The following COQ8A variants were observed in gnomAD, a reference collection of about 807,000 sequenced individuals.
COQ8A encodes atypical kinase COQ8A, mitochondrial.
A neutral mutation model predicts 65.0 loss-of-function variants in COQ8A; 51 were observed. The ratio of observed to expected loss-of-function variants is 0.78; its 90% CI spans 0.63 to 0.99. The LOEUF is 0.99. COQ8A is among the 50% of genes least tolerant of loss of function. COQ8A has a pLI of 0.00. For missense variants in COQ8A, 940 were observed against 875.0 expected (o/e 1.07, Z -0.94); for synonymous variants, 371 against 353.2 (o/e 1.05, Z -0.57).
chr1:226,952,891 C>T (rs565272552), intron 1 of COQ8A, among the ~76,000 whole-genome samples: 2 of 152,250 alleles, frequency 1.3e-5, no homozygotes, highest in East Asian at 3.9e-4. Flanking sequence ...TGCTTCCTGT[C>T]ACCTCCCTCC....
At chr1:226,984,357 G>T in intron 11 of COQ8A, 122 bp downstream of exon 11, 1 of 1,467,546 alleles carries the variant, frequency 6.8e-7, no homozygotes, top group East Asian at 2.4e-5. Flanking sequence ...GAGGGGCAGT[G>T]AAGTAGCACC....
chr1:226,947,314 G>A (rs902368108), intron 1 of COQ8A, among the ~76,000 whole-genome samples: 1 of 152,176 alleles, frequency 6.6e-6, no homozygotes, highest in African/African-American at 2.4e-5. Flanking sequence ...TTGGCCCTTA[G>A]GAGATTGCTC....
In COQ8A at chr1:226,984,233, G is replaced by A. The variant is rs201134290; in HGVS notation, c.1396G>A (p.Glu466Lys). ...AEGLSQEIRNEICYNILVLCL... is the reference protein window; with the variant it reads ...AEGLSQEIRNKICYNILVLCL... ...AGGGCTCAGCCAGGAGATTCGGAAC[G>A]AGGTTTGTCTGTGCCAGCAGACAGG... is the stretch of plus-strand genomic sequence containing the variant. Residue 466 changes from glutamate to lysine, a missense_variant and splice_region_variant, in exon 11 of 15, where the codon GAG (glutamate) becomes AAG (lysine). Coordinates refer to ENST00000366777, the MANE Select transcript of COQ8A (RefSeq NM_020247.5). 2.4e-5 allele frequency: 38 copies of A among 1,613,544 alleles called. No individual in the cohort carries two copies. The highest frequency in any genetic ancestry group is 1.9e-4 in the African/African-American group (14 of 75,054).
chr1:226,983,717 C>A (rs753152068), intron 9 of COQ8A, 44 bp from the exon 10 acceptor site: 2 of 1,611,970 alleles, frequency 1.2e-6, no homozygotes, highest in East Asian at 2.2e-5. Context: ...GGGGTCCTCC[C>A]TGCAGAGCCC....
intron 9 of COQ8A, 22 bp from the exon 10 acceptor site, chr1:226,983,739 G>A: frequency 6.2e-7 from 1 of 1,613,106 alleles, no homozygotes; most frequent in Non-Finnish European, 8.5e-7. Context: ...CTTCCTCGCT[G>A]ATGCCCTCCT....
chr1:226,986,923 G>A lies in COQ8A; in HGVS notation c.*186G>A. 1.4e-6 allele frequency: 1 copy of A among 706,068 alleles called. No homozygotes were observed. Among genetic ancestry groups the A allele is most frequent in the South Asian group, 1.9e-5 (1 of 54,040 alleles). 43.7% of individuals were successfully genotyped at this position (706,068 alleles called of 1,614,324 possible). A position where few individuals can be genotyped will look rare whatever the true frequency, so the allele number is the denominator to read the frequency against. On this transcript the variant is annotated 3_prime_UTR_variant, in exon 15 of 15. Coordinates refer to ENST00000366777, the MANE Select transcript of COQ8A (RefSeq NM_020247.5). ...GCTAAATGGTTGTAGGGTGAGAAGT[G>A]CAAGAATGAAGATGAAGCCCCACTG...
rs149335528 is a variant in COQ8A, at chr1:226,986,693, G to A, written c.1900G>A (p.Glu634Lys). 7.2e-5 allele frequency: 116 copies of A among 1,613,996 alleles called. 1 individual carries two copies. The South Asian group carries it at 1.0e-3, about 14-fold the overall frequency. The change falls in exon 15 of 15, where the codon GAG (glutamate) becomes AAG (lysine). Residue 634 changes from glutamate (E) to lysine (K), a missense_variant. Transcript: ENST00000366777. ...CCGCTTCCCCTGCAAGGCCATGTTC[G>A]AGGAGGCCTACAGCAACTACTGCAA... The part of the protein sequence containing the change: ...KARFPCKAMF[E>K]EAYSNYCKRQ...
chr1:226,955,718 A>C (rs1490191744), intron 1 of COQ8A, among the ~76,000 whole-genome samples: 1 of 72,594 alleles, frequency 1.4e-5, no homozygotes, highest in Non-Finnish European at 2.7e-5. Context: ...TCCCTGGTTC[A>C]CACTCTCCCT....
intron 4 of COQ8A, among the ~76,000 whole-genome samples, chr1:226,971,185 C>A (rs530587525): frequency 6.6e-6 from 1 of 152,030 alleles, no homozygotes; most frequent in Non-Finnish European, 1.5e-5. Context: ...AGGTGATCCA[C>A]CCACCTCTGC....
At chr1:226,962,763 A>G (rs1207340193) in intron 2 of COQ8A, among the ~76,000 whole-genome samples, 5 of 152,180 alleles carry the variant, frequency 3.3e-5, no homozygotes, top group African/African-American at 7.2e-5. Flanking sequence ...CCTGCCTTTA[A>G]TGTTCAGAAG....
Position 226,953,604 on chromosome 1 carries a change from C to G in COQ8A, c.-9-7773C>G, listed in dbSNP as rs73087611. ...GCTCCTGGGCTCCCGCTGTGAAGGT[C>G]TCACTCAGCAGGCCTGTGCTGGGGC... On this transcript the variant is annotated intron_variant, in intron 1 of 14. Coordinates refer to ENST00000366777, the MANE Select transcript of COQ8A (RefSeq NM_020247.5). 8.9e-3 allele frequency among the ~76,000 whole-genome samples: 1,359 copies of G among 152,332 alleles called. 19 individuals are homozygous for G. The highest frequency in any genetic ancestry group is 0.031 in the African/African-American group (1,290 of 41,570).
chr1:226,983,404 G>A, intron 8 of COQ8A, 148 bp from the exon 9 acceptor site: 1 of 780,366 alleles, frequency 1.3e-6, no homozygotes, highest in South Asian at 1.5e-5. Flanking sequence ...GGTCACGGCA[G>A]CATGGCTGGG....
At chr1:226,947,203 G>A (rs941732080) in intron 1 of COQ8A, among the ~76,000 whole-genome samples, 1 of 152,146 alleles carries the variant, frequency 6.6e-6, no homozygotes, top group East Asian at 1.9e-4. Context: ...ATTGATTTGG[G>A]GCAGTGTTCT....
chr1:226,956,899 C>T (rs1173285918), intron 1 of COQ8A, among the ~76,000 whole-genome samples: 4 of 126,506 alleles, frequency 3.2e-5, no homozygotes, highest in Non-Finnish European at 5.1e-5. Flanking sequence ...GGTTCACACT[C>T]TCCCTGGCTC....
At chr1:226,969,953 T>G (rs1471600192) in intron 4 of COQ8A, among the ~76,000 whole-genome samples, 1 of 152,168 alleles carries the variant, frequency 6.6e-6, no homozygotes, top group East Asian at 1.9e-4. Context: ...ATCAAGGACT[T>G]AAAATTATAG....
intron 2 of COQ8A, among the ~76,000 whole-genome samples, chr1:226,964,654 GT>G (rs1483907011): frequency 6.6e-6 from 1 of 152,172 alleles, no homozygotes; most frequent in Non-Finnish European, 1.5e-5. Flanking sequence ...TTGCGCCCTG[GT>G]TTACCATCTC....
rs778838121 is a variant in COQ8A at position 226,977,478 on chromosome 1, C to A, written c.685C>A (p.Leu229Met). The change falls in exon 5 of 15, where the codon CTG (leucine) becomes ATG (methionine). Residue 229 changes from leucine to methionine, a missense_variant. By Grantham distance (15) the Leu-to-Met change is conservative. Transcript: ENST00000366777. ...GLAVGLGFGA[L>M]AEVAKKSLRS... Reference sequence around the variant, plus strand: ...GGCCGTGGGCCTGGGCTTCGGGGCACTGGCAGAGGTCGCCAAGAAGAGCCT... The same window carrying A: ...GGCCGTGGGCCTGGGCTTCGGGGCAATGGCAGAGGTCGCCAAGAAGAGCCT... 1.3e-6 allele frequency: 2 copies of A among 1,567,700 alleles called. No homozygotes were observed. Among genetic ancestry groups the A allele is most frequent in the South Asian group, 2.3e-5 (2 of 85,188 alleles).
Position 226,964,980 on chromosome 1 carries a change from C to A in COQ8A, c.178-20C>A. The A allele has an allele frequency of 3.1e-6, 5 of 1,613,372 alleles. No homozygotes were observed. The highest frequency in any genetic ancestry group is 4.2e-6 in the Non-Finnish European group (5 of 1,180,008). The stretch of plus-strand genomic sequence containing the variant: ...CTGGCTCGCTCTTGCTCTCCTAATG[C>A]TGGCCTTTGCTCCCTGCAGGGTCAG... On this transcript the variant is annotated intron_variant, in intron 2 of 14. Coordinates refer to ENST00000366777, the MANE Select transcript of COQ8A (RefSeq NM_020247.5).
rs900683623 is a variant in COQ8A, at chr1:226,972,978, C to G, written c.656-4471C>G. On this transcript the variant is annotated intron_variant, in intron 4 of 14. Coordinates refer to ENST00000366777, the MANE Select transcript of COQ8A (RefSeq NM_020247.5). This position sits in a 1 kb window ranked among gnomAD's most constrained non-coding sequence, Gnocchi z 4.3. ...CGGTTCGAGACCTGGCTGTGGCTTG[C>G]TGTGGCCTTGAGAGCCATCCCACAG... Among the ~76,000 whole-genome samples the G allele has an allele frequency of 6.6e-6, 1 of 152,250 alleles. No individual in the cohort carries two copies. Among genetic ancestry groups the G allele is most frequent in the South Asian group, 2.1e-4 (1 of 4,834 alleles).
Sources: gnomAD v4.1 joint callset for allele counts (sites outside exome capture counted in the v4.1 genomes callset) on GRCh38, gnomAD v4.1.1 for gene constraint, Gnocchi (gnomAD v3.1) non-coding constraint, MANE v1.5 for transcripts, NCBI Gene and HGNC (gene_info 2026-07-23, HGNC 2026-07-21) for gene names.